The following TTC29 variants were observed in gnomAD, a reference collection of about 807,000 sequenced individuals.
The protein encoded by TTC29 is tetratricopeptide repeat domain 29.
In TTC29, 49 loss-of-function variants were observed where a neutral mutation model predicts 58.1. The ratio of observed to expected loss-of-function variants is 0.84; its 90% CI spans 0.67 to 1.07. TTC29 has a LOEUF of 1.07. Ranked by LOEUF, TTC29 falls within the 50% of genes least tolerant of loss-of-function variation. The probability of loss-of-function intolerance (pLI) is 0.00; values close to 1 mark genes in which losing one functional copy is unlikely to be tolerated. For synonymous variants in TTC29, 209 were observed against 196.8 expected (o/e 1.06, Z -0.52); for missense variants, 582 against 555.6 (o/e 1.05, Z -0.48).
chr4:146,939,860 C>G lies in TTC29; in HGVS notation c.36G>C (p.Pro12=), dbSNP rs199903002. Residue 12 remains proline, a synonymous_variant, in exon 3 of 13, where the codon CCG becomes CCC. Coordinates refer to ENST00000325106, the MANE Select transcript of TTC29 (RefSeq NM_031956.4). Reference sequence around the variant, plus strand: ...TCTGTCTGGCTAAGGCTGTAAGCTTCGGGCGTGTCATGGGCAGTGGGGGCA... The same window carrying G: ...TCTGTCTGGCTAAGGCTGTAAGCTTGGGGCGTGTCATGGGCAGTGGGGGCA... The part of the protein sequence containing the change: ...TTLPPLPMTR[P]KLTALARQKL... 1.7e-4 allele frequency: 272 copies of G among 1,613,104 alleles called. No homozygotes were observed. The African/African-American group carries it at 3.5e-3, about 21-fold the overall frequency.
At chr4:146,733,603 A>G (rs907414608) in intron 11 of TTC29, among the ~76,000 whole-genome samples, 46 of 152,284 alleles carry the variant, frequency 3.0e-4, no homozygotes, top group African/African-American at 1.1e-3. Flanking sequence ...GTCTGGCTAT[A>G]GAAATAGGTG....
intron 6 of TTC29, among the ~76,000 whole-genome samples, chr4:146,880,547 T>C (rs1400267866): frequency 6.6e-6 from 1 of 152,150 alleles, no homozygotes; most frequent in Non-Finnish European, 1.5e-5. Context: ...TTATCCAAAT[T>C]GTTGCTTACC....
At chr4:146,831,791 GTC>G (rs1728181215) in intron 9 of TTC29, 1 of 424,488 alleles carries the variant, frequency 2.4e-6, no homozygotes, top group Admixed American at 2.5e-5. Context: ...ACAGACTCAT[GTC>G]TCTGGAAGTT....
intron 11 of TTC29, among the ~76,000 whole-genome samples, chr4:146,759,400 A>T (rs1332618073): frequency 4.6e-5 from 7 of 152,088 alleles, no homozygotes; most frequent in Admixed American, 4.6e-4. Flanking sequence ...ATTTCACAAG[A>T]TAGAGAAAGA....
intron 8 of TTC29, among the ~76,000 whole-genome samples, chr4:146,837,176 A>G (rs1289146845): frequency 1.3e-5 from 2 of 152,154 alleles, no homozygotes; most frequent in African/African-American, 4.8e-5. Context: ...AGAAAGAATG[A>G]GATCATGTCC....
chr4:146,807,355 C>T (rs2150124109), intron 10 of TTC29, among the ~76,000 whole-genome samples: 1 of 152,094 alleles, frequency 6.6e-6, no homozygotes, highest in Admixed American at 6.6e-5. Flanking sequence ...CAAATAAATT[C>T]AAAAGCTAGC....
At chr4:146,716,012 T>C (rs1223475825) in intron 11 of TTC29, among the ~76,000 whole-genome samples, 4 of 152,232 alleles carry the variant, frequency 2.6e-5, no homozygotes, top group Admixed American at 6.5e-5. Context: ...TCATTATTTT[T>C]GTTTTTACAT....
chr4:146,866,903 T>G (rs1463836184), intron 8 of TTC29, among the ~76,000 whole-genome samples: 1 of 152,166 alleles, frequency 6.6e-6, no homozygotes, highest in Non-Finnish European at 1.5e-5. Flanking sequence ...TCAGTTATAA[T>G]TCAGGAAAGA....
intron 8 of TTC29, among the ~76,000 whole-genome samples, chr4:146,844,684 A>G (rs960410963): frequency 6.6e-6 from 1 of 152,060 alleles, no homozygotes; most frequent in African/African-American, 2.4e-5. Context: ...CCCAGCCCCC[A>G]GCCCTTAACC....
intron 8 of TTC29, among the ~76,000 whole-genome samples, chr4:146,857,234 T>C (rs1729918021): frequency 6.6e-6 from 1 of 150,510 alleles, no homozygotes; most frequent in African/African-American, 2.5e-5. Context: ...GCAAAACTTA[T>C]GAAATGAAAA....
intron 8 of TTC29, among the ~76,000 whole-genome samples, chr4:146,839,527 C>G (rs997583672): frequency 6.9e-6 from 1 of 144,148 alleles, no homozygotes; most frequent in Non-Finnish European, 1.5e-5. Context: ...ACCAGTTTTA[C>G]ATGAACTCGT....
intron 8 of TTC29, among the ~76,000 whole-genome samples, chr4:146,842,145 T>G (rs560081289): frequency 1.3e-5 from 2 of 152,050 alleles, no homozygotes; most frequent in Non-Finnish European, 2.9e-5. Flanking sequence ...GCCTTCCCCA[T>G]AGCAAACCAT....
intron 11 of TTC29, among the ~76,000 whole-genome samples, chr4:146,734,334 G>A (rs1442703644): frequency 6.6e-6 from 1 of 152,136 alleles, no homozygotes; most frequent in East Asian, 1.9e-4. Flanking sequence ...TGCACCCAGG[G>A]AGGGTATGAA....
chr4:146,922,996 C>T (rs1734693449), intron 4 of TTC29, among the ~76,000 whole-genome samples: 1 of 151,844 alleles, frequency 6.6e-6, no homozygotes, highest in African/African-American at 2.4e-5. Context: ...TTCTGTTTTA[C>T]ATGGGAGTTC....
intron 11 of TTC29, among the ~76,000 whole-genome samples, chr4:146,776,959 G>A (rs989887928): frequency 6.6e-6 from 1 of 152,154 alleles, no homozygotes; most frequent in Non-Finnish European, 1.5e-5. Context: ...TTGGAACAGA[G>A]AGGCAGGGCC....
At chr4:146,774,217 C>T (rs1013729495) in intron 11 of TTC29, among the ~76,000 whole-genome samples, 2 of 152,100 alleles carry the variant, frequency 1.3e-5, no homozygotes, top group Non-Finnish European at 2.9e-5. Context: ...TTTTTCATGT[C>T]TTAATTCCCC....
intron 11 of TTC29, among the ~76,000 whole-genome samples, chr4:146,785,309 C>T (rs1373056480): frequency 6.6e-6 from 1 of 151,618 alleles, no homozygotes; most frequent in Non-Finnish European, 1.5e-5. Context: ...TCTTCTGCCT[C>T]AGCCTCTAAT....
chr4:146,863,773 C>A (rs1477367759), intron 8 of TTC29, among the ~76,000 whole-genome samples: 1 of 152,114 alleles, frequency 6.6e-6, no homozygotes, highest in African/African-American at 2.4e-5. Context: ...GATGTAGATT[C>A]AGACGGGGTC....
chr4:146,828,156 T>G (rs1475087254), intron 9 of TTC29, among the ~76,000 whole-genome samples: 1 of 152,164 alleles, frequency 6.6e-6, no homozygotes, highest in Admixed American at 6.6e-5. Context: ...TAGGCATAGG[T>G]CAATTCTCCA....
Sources: allele counts gnomAD v4.1 joint callset (sites outside exome capture counted in the v4.1 genomes callset), GRCh38; gene constraint gnomAD v4.1.1; transcripts MANE v1.5; gene names NCBI Gene and HGNC (gene_info 2026-07-23, HGNC 2026-07-21).